Variants in MAGI2 observed in about 807,000 individuals in gnomAD.
The protein encoded by MAGI2 is membrane-associated guanylate kinase, WW and PDZ domain-containing protein 2.
In MAGI2, 35 loss-of-function variants were observed where a neutral mutation model predicts 133.3. That is an observed-to-expected ratio of 0.26 (90% confidence interval 0.20 to 0.35). The LOEUF (loss-of-function observed/expected upper bound fraction) is 0.35. MAGI2 is among the 10% of genes least tolerant of loss of function. The pLI is 1.00. For missense variants in MAGI2, 1,636 were observed against 1,863.4 expected, an observed-to-expected ratio of 0.88 and a Z score of 2.25; for synonymous variants, 729 against 710.6, an observed-to-expected ratio of 1.03 and a Z score of -0.41.
At chr7:78,873,290 A>G (rs1470834712) in intron 2 of MAGI2, among the ~76,000 whole-genome samples, 1 of 152,208 alleles carries the variant, frequency 6.6e-6, no homozygotes, top group African/African-American at 2.4e-5. Flanking sequence ...GGTACTGGTT[A>G]GTGGCCTGTT....
At chr7:79,452,130 C>A (rs530335493) in intron 1 of MAGI2, among the ~76,000 whole-genome samples, 42 of 152,188 alleles carry the variant, frequency 2.8e-4, no homozygotes, top group Admixed American at 1.8e-3. Flanking sequence ...CAAAACACGC[C>A]CCCCAAATCG....
At chr7:78,887,882 G>A (rs536920035) in intron 2 of MAGI2, among the ~76,000 whole-genome samples, 7 of 152,338 alleles carry the variant, frequency 4.6e-5, no homozygotes, top group South Asian at 2.1e-4. Flanking sequence ...GAGAGTGGGC[G>A]CAGGACAGTG....
intron 2 of MAGI2, among the ~76,000 whole-genome samples, chr7:78,710,185 A>G (rs1819040686): frequency 6.6e-6 from 1 of 152,314 alleles, no homozygotes; most frequent in South Asian, 2.1e-4. Flanking sequence ...ATAGCAGACA[A>G]GATTACACAC....
chr7:78,509,534 T>A (rs1795390540), intron 4 of MAGI2, among the ~76,000 whole-genome samples: 1 of 152,220 alleles, frequency 6.6e-6, no homozygotes, highest in African/African-American at 2.4e-5. Context: ...TATGTATTTG[T>A]GCATTTAGTT....
chr7:78,448,741 T>C (rs914594682), intron 6 of MAGI2, among the ~76,000 whole-genome samples: 2 of 152,112 alleles, frequency 1.3e-5, no homozygotes, highest in Non-Finnish European at 2.9e-5. Context: ...TGTATGCATA[T>C]ATATTTATGT....
intron 10 of MAGI2, among the ~76,000 whole-genome samples, chr7:78,247,519 A>T (rs1791925634): frequency 6.6e-6 from 1 of 152,240 alleles, no homozygotes; most frequent in Non-Finnish European, 1.5e-5. Context: ...AGTGAGATAC[A>T]AGAGAATACA....
intron 14 of MAGI2, among the ~76,000 whole-genome samples, chr7:78,169,528 A>G (rs1825924216): frequency 3.7e-5 from 3 of 81,208 alleles, no homozygotes; most frequent in Non-Finnish European, 7.7e-5. Context: ...CATGATAGCC[A>G]GATCTGAACA....
chr7:79,069,847 T>G (rs963500572), intron 1 of MAGI2, among the ~76,000 whole-genome samples: 1 of 152,200 alleles, frequency 6.6e-6, no homozygotes, highest in Non-Finnish European at 1.5e-5. Flanking sequence ...AGGATTTTAT[T>G]TCTCCTTTGC....
At chr7:78,979,685 C>T (rs1804615566) in intron 2 of MAGI2, among the ~76,000 whole-genome samples, 1 of 151,748 alleles carries the variant, frequency 6.6e-6, no homozygotes, top group Non-Finnish European at 1.5e-5. Flanking sequence ...GTGCAGTGTC[C>T]TTTGGGCTCA....
chr7:78,195,527 G>A (rs1828644107), intron 11 of MAGI2, among the ~76,000 whole-genome samples: 1 of 152,094 alleles, frequency 6.6e-6, no homozygotes, highest in Admixed American at 6.5e-5. Flanking sequence ...TATGCATATC[G>A]CAACAACTTC....
intron 20 of MAGI2, among the ~76,000 whole-genome samples, chr7:78,090,860 GGCTGAAA>G (rs1325952660): frequency 3.3e-5 from 5 of 152,178 alleles, no homozygotes; most frequent in African/African-American, 1.2e-4. Flanking sequence ...TGGCATAACT[GGCTGAAA>G]GCAGACAGAC....
intron 3 of MAGI2, among the ~76,000 whole-genome samples, chr7:78,555,097 G>C (rs911510139): frequency 3.3e-5 from 5 of 151,636 alleles, no homozygotes; most frequent in African/African-American, 1.2e-4. Context: ...TATGATCACT[G>C]CACTCCAGTC....
intron 1 of MAGI2, among the ~76,000 whole-genome samples, chr7:79,295,372 A>G (rs1836851146): frequency 6.6e-6 from 1 of 152,164 alleles, no homozygotes; most frequent in East Asian, 1.9e-4. Flanking sequence ...ACAAAAAGTG[A>G]CTTCAGTATA....
intron 1 of MAGI2, among the ~76,000 whole-genome samples, chr7:79,173,336 T>TA (rs1434831649): frequency 3.3e-5 from 5 of 151,392 alleles, no homozygotes; most frequent in Admixed American, 2.0e-4. Flanking sequence ...TTTTTTTTTT[T>TA]ACTTCTGATG....
chr7:78,607,966 A>G (rs543217047), intron 3 of MAGI2, among the ~76,000 whole-genome samples: 64 of 152,282 alleles, frequency 4.2e-4, no homozygotes, highest in African/African-American at 1.4e-3. Flanking sequence ...GAGGACATAA[A>G]ACAGTTCCAT....
Position 79,104,630 on chromosome 7 carries a change from G to T in MAGI2, c.302-97424C>A, listed in dbSNP as rs564159974. On this transcript the variant is annotated intron_variant, in intron 1 of 21. Transcript: ENST00000354212. ...TGCAGTGAGCAGAGAACGTGCCACCGCACTTTAGCCTGGCAACAGAGCGAG... is the reference window on the plus strand; with the variant it reads ...TGCAGTGAGCAGAGAACGTGCCACCTCACTTTAGCCTGGCAACAGAGCGAG... 1.1e-4 allele frequency among the ~76,000 whole-genome samples: 16 copies of T among 152,066 alleles called. No homozygotes were observed. The South Asian group carries it at 1.9e-3, about 18-fold the overall frequency.
chr7:79,339,312 T>C (rs945251245), intron 1 of MAGI2, among the ~76,000 whole-genome samples: 29 of 152,146 alleles, frequency 1.9e-4, no homozygotes, highest in Admixed American at 1.7e-3. Flanking sequence ...TGTTAAGTGA[T>C]ACAATTGTAC....
intron 1 of MAGI2, among the ~76,000 whole-genome samples, chr7:79,366,694 A>G (rs886980867): frequency 1.3e-5 from 2 of 152,132 alleles, no homozygotes; most frequent in African/African-American, 4.8e-5. Flanking sequence ...GGGTCTCTGT[A>G]TTATTTCTTA....
chr7:79,367,858 C>CACACACACACACACACACACATATAT, intron 1 of MAGI2, among the ~76,000 whole-genome samples: 1 of 87,114 alleles, frequency 1.1e-5, no homozygotes, highest in African/African-American at 4.6e-5. Context: ...ATATATGTGA[C>CACACACACACACACACACACATATAT]ATATATATAT....
Sources: gnomAD v4.1 joint callset for allele counts (sites outside exome capture counted in the v4.1 genomes callset) on GRCh38, gnomAD v4.1.1 for gene constraint, MANE v1.5 for transcripts, NCBI Gene and HGNC (gene_info 2026-07-23, HGNC 2026-07-21) for gene names.